Variants in CREB3L1 observed in about 807,000 individuals in gnomAD.
The protein encoded by CREB3L1 is cyclic AMP-responsive element-binding protein 3-like protein 1.
Under a neutral mutation model 54.5 loss-of-function variants are expected in CREB3L1, and 33 were observed. The observed-to-expected ratio is 0.61, with a 90% CI of 0.46 to 0.81. The LOEUF is 0.81. CREB3L1 is among the 30% of genes least tolerant of loss of function. CREB3L1 has a pLI of 0.00. For synonymous variants in CREB3L1, 284 were observed against 286.4 expected, an observed-to-expected ratio of 0.99 and a Z score of 0.08; for missense variants, 656 against 673.3, an observed-to-expected ratio of 0.97 and a Z score of 0.29.
rs113302990 is a variant in CREB3L1, at chr11:46,292,158, C to T, written c.103-7777C>T. 2.5e-3 allele frequency among the ~76,000 whole-genome samples: 384 copies of T among 152,258 alleles called. 1 individual carries two copies. Among genetic ancestry groups the T allele is most frequent in the African/African-American group, 8.8e-3 (366 of 41,548 alleles). ...TACCTGGTCTGCTGGGGCTTAAGAA[C>T]AGAAAGGCTTAGGGAAGGAAGAACA... On this transcript the variant is annotated intron_variant, in intron 1 of 11. Coordinates refer to ENST00000621158, the MANE Select transcript of CREB3L1 (RefSeq NM_052854.4).
Position 46,307,991 on chromosome 11 carries a change from C to A in CREB3L1, c.507C>A (p.Ile169=). The A allele has an allele frequency of 6.5e-7, 1 of 1,544,988 alleles. No individual in the cohort carries two copies. The highest frequency in any genetic ancestry group is 8.7e-7 in the Non-Finnish European group (1 of 1,146,896). The change falls in exon 3 of 12, where the codon ATC becomes ATA. Residue 169 remains isoleucine (I), a synonymous_variant. Transcript: ENST00000621158. The part of the protein sequence containing the change: ...LGLSPLSRLP[I]PHQAPGEMTQ... ...TCAGCCCCTTGTCCAGGCTGCCCAT[C>A]CCCCACCAGGTGAGCCTGGGAACTG...
At chr11:46,286,966 A>G in intron 1 of CREB3L1, among the ~76,000 whole-genome samples, 1 of 152,326 alleles carries the variant, frequency 6.6e-6, no homozygotes, top group East Asian at 1.9e-4. Context: ...GGAAAGTCCC[A>G]AGACTTCCCA....
intron 1 of CREB3L1, among the ~76,000 whole-genome samples, chr11:46,282,045 G>A (rs1038898796): frequency 9.9e-5 from 15 of 152,140 alleles, no homozygotes; most frequent in African/African-American, 3.1e-4. Flanking sequence ...CCAGTGTTGA[G>A]GGAACAGTTC....
At chr11:46,317,618 T>A in intron 10 of CREB3L1, 131 bp downstream of exon 10, 1 of 1,195,160 alleles carries the variant, frequency 8.4e-7, no homozygotes, top group Non-Finnish European at 1.2e-6. Context: ...TGCCTCATTT[T>A]CCAGATGGGG....
intron 5 of CREB3L1, among the ~76,000 whole-genome samples, 197 bp from the exon 6 acceptor site, chr11:46,312,128 C>G (rs1434774142): frequency 6.6e-6 from 1 of 152,192 alleles, no homozygotes; most frequent in African/African-American, 2.4e-5. Context: ...AAGAGCCTAA[C>G]ACCTGAGCTC....
At chr11:46,309,674 C>T (rs1401689991) in intron 3 of CREB3L1, among the ~76,000 whole-genome samples, 1 of 152,234 alleles carries the variant, frequency 6.6e-6, no homozygotes. Context: ...ATTCTCATGG[C>T]AACCCACATA....
intron 1 of CREB3L1, among the ~76,000 whole-genome samples, chr11:46,287,250 C>A (rs375706796): frequency 3.9e-4 from 60 of 152,294 alleles, no homozygotes; most frequent in African/African-American, 1.3e-3. Context: ...CCTGGTACAC[C>A]ATAAACCCTC....
intron 2 of CREB3L1, among the ~76,000 whole-genome samples, chr11:46,302,575 T>C (rs1219115800): frequency 6.6e-6 from 1 of 152,246 alleles, no homozygotes; most frequent in Non-Finnish European, 1.5e-5. Flanking sequence ...TAAACATTTC[T>C]ATAGTACTCT....
chr11:46,305,277 C>T (rs575166017), intron 2 of CREB3L1, among the ~76,000 whole-genome samples: 6 of 152,248 alleles, frequency 3.9e-5, no homozygotes, highest in Non-Finnish European at 8.8e-5. Flanking sequence ...AACCAGGAGG[C>T]CCACTAGGTG....
chr11:46,306,597 C>G (rs1261920361), intron 2 of CREB3L1, among the ~76,000 whole-genome samples: 2 of 152,152 alleles, frequency 1.3e-5, no homozygotes, highest in Non-Finnish European at 2.9e-5. Flanking sequence ...ACTAACCCAG[C>G]CTCCAAGGCC....
chr11:46,310,859 C>A, intron 4 of CREB3L1, 173 bp from the exon 5 acceptor site: 1 of 953,906 alleles, frequency 1.0e-6, no homozygotes, highest in Non-Finnish European at 1.4e-6. Context: ...CAGATGTCAA[C>A]TGTCTTTCTG....
intron 1 of CREB3L1, among the ~76,000 whole-genome samples, chr11:46,287,724 T>C (rs1424464034): frequency 6.6e-6 from 1 of 152,062 alleles, no homozygotes; most frequent in Non-Finnish European, 1.5e-5. Context: ...ACGCCTGTAA[T>C]CCTAGCACTT....
chr11:46,316,899 G>A (rs1939574869), intron 9 of CREB3L1, among the ~76,000 whole-genome samples: 1 of 151,974 alleles, frequency 6.6e-6, no homozygotes, highest in Non-Finnish European at 1.5e-5. Context: ...CGAGACCCTC[G>A]AGCTGTCAGG....
chr11:46,278,257 G>T lies in CREB3L1; in HGVS notation c.102+44G>T. ...GTTCCCGTTCCACCCCTCGGCACCC[G>T]TCCTCGCGGCGCGCCTGGGCCCCTA... On this transcript the variant is annotated intron_variant, in intron 1 of 11. Coordinates refer to ENST00000621158, the MANE Select transcript of CREB3L1 (RefSeq NM_052854.4). This position sits in a 1 kb window ranked among gnomAD's most constrained non-coding sequence, Gnocchi z 4.2. The T allele has an allele frequency of 7.4e-7, 1 of 1,353,198 alleles. No individual in the cohort carries two copies. The highest frequency in any genetic ancestry group is 2.7e-5 in the East Asian group (1 of 37,276). 83.8% of individuals were successfully genotyped at this position (1,353,198 alleles called of 1,614,324 possible).
chr11:46,317,286 AGAG>A, intron 9 of CREB3L1, 72 bp from the exon 10 acceptor site: 16 of 1,581,854 alleles, frequency 1.0e-5, no homozygotes, highest in Non-Finnish European at 1.4e-5. Context: ...TTGGTTTGGG[AGAG>A]GAGGAGTGGG....
At chr11:46,281,697 A>G (rs1365021590) in intron 1 of CREB3L1, among the ~76,000 whole-genome samples, 5 of 152,204 alleles carry the variant, frequency 3.3e-5, no homozygotes, top group Non-Finnish European at 7.3e-5. Flanking sequence ...CTAACTGGGA[A>G]GCAGAGAGGC....
chr11:46,314,852 C>T lies in CREB3L1; in HGVS notation c.1032-1434C>T, dbSNP rs1339034098. Among the ~76,000 whole-genome samples the T allele has an allele frequency of 3.0e-4, 45 of 151,728 alleles. 1 individual carries two copies. Among genetic ancestry groups the T allele is most frequent in the Admixed American group, 2.7e-3 (41 of 15,232 alleles). On this transcript the variant is annotated intron_variant, in intron 8 of 11. Coordinates refer to ENST00000621158, the MANE Select transcript of CREB3L1 (RefSeq NM_052854.4). ...CCTCCCAAATAGCTGGGATTACAGA[C>T]GTGTACCACCACACCCGGCTAATTT...
chr11:46,281,948 C>T (rs1938982156), intron 1 of CREB3L1, among the ~76,000 whole-genome samples: 1 of 151,998 alleles, frequency 6.6e-6, no homozygotes, highest in African/African-American at 2.4e-5. Flanking sequence ...TCTCAGGGTG[C>T]CTATTCAGAA....
chr11:46,311,713 G>A (rs1254706108), intron 5 of CREB3L1, among the ~76,000 whole-genome samples: 5 of 152,100 alleles, frequency 3.3e-5, no homozygotes. Flanking sequence ...GGCCAAGCTG[G>A]TCTCAATCTC....
Sources: allele counts gnomAD v4.1 joint callset (sites outside exome capture counted in the v4.1 genomes callset), GRCh38; gene constraint gnomAD v4.1.1; non-coding constraint Gnocchi (gnomAD v3.1); transcripts MANE v1.5; gene names NCBI Gene and HGNC (gene_info 2026-07-23, HGNC 2026-07-21).